LOXL4: variants seen among roughly 807,000 people sequenced by gnomAD.
LOXL4 encodes the protein lysyl oxidase like 4.
LOXL4 carries 72 observed loss-of-function variants against 89.1 expected under a neutral mutation model. The observed-to-expected ratio is 0.81, with a 90% CI of 0.67 to 0.98. The LOEUF is 0.98. Ranked by LOEUF, LOXL4 falls within the 50% of genes least tolerant of loss-of-function variation. LOXL4 has a pLI of 0.00. For missense variants in LOXL4, 984 were observed against 1,017.5 expected (o/e 0.97, Z 0.45); for synonymous variants, 355 against 392.1 (o/e 0.91, Z 1.12).
Position 98,262,223 on chromosome 10 carries a change from GGAGGT to G in LOXL4, c.278-15_278-11del, listed in dbSNP as rs745413286. The stretch of plus-strand genomic sequence containing the variant: ...TCCAGCCAGATGGGTCCTGTGGAGT[GGAGGT>G]GATGCTCAAAGATGGCACAGAGAGG... On this transcript the variant is annotated splice_polypyrimidine_tract_variant and intron_variant, in intron 2 of 14. Transcript: ENST00000260702. The G allele has an allele frequency of 6.2e-7, 1 of 1,612,824 alleles. No individual in the cohort carries two copies.
At position 98,268,158 on chromosome 10, in the gene LOXL4, T is replaced by C. The variant is rs1169740819; in HGVS notation, c.-59A>G. 6.6e-6 allele frequency: 1 copy of C among 151,860 alleles called. No homozygotes were observed. The highest frequency in any genetic ancestry group is 2.0e-4 in the East Asian group (1 of 5,104). The allele number at this position is 151,860 out of a possible 1,614,324, so 9.4% of individuals were successfully genotyped here. On this transcript the variant is annotated 5_prime_UTR_variant, in exon 1 of 15. Coordinates refer to ENST00000260702, the MANE Select transcript of LOXL4 (RefSeq NM_032211.7). Reference sequence around the variant, plus strand: ...AGATGGAGCGCGGACAGTCCGGGGCTGGGCGGGCGCCGCGGCGGAGCAGCG... The same window carrying C: ...AGATGGAGCGCGGACAGTCCGGGGCCGGGCGGGCGCCGCGGCGGAGCAGCG...
chr10:98,250,992 G>A, intron 14 of LOXL4, 73 bp downstream of exon 14: 1 of 1,059,276 alleles, frequency 9.4e-7, no homozygotes, highest in South Asian at 1.3e-5. Flanking sequence ...GAGTGTGGGA[G>A]CAGAGGGTAC....
Position 98,256,617 on chromosome 10 carries a change from G to T in LOXL4, c.1428+163C>A, listed in dbSNP as rs1449155079. On this transcript the variant is annotated intron_variant, in intron 9 of 14. Coordinates refer to ENST00000260702, the MANE Select transcript of LOXL4 (RefSeq NM_032211.7). Reference sequence around the variant, plus strand: ...GATTTCATTAGGACTATGTCTTCTTGTTTACCACACTGTTCCCAGCACTCA... The same window carrying T: ...GATTTCATTAGGACTATGTCTTCTTTTTTACCACACTGTTCCCAGCACTCA... The T allele has an allele frequency of 4.1e-6, 3 of 733,696 alleles. No individual in the cohort carries two copies. In the African/African-American group the frequency reaches 5.3e-5, roughly 13 times the overall value. The allele number at this position is 733,696 out of a possible 1,614,324, so 45.4% of individuals were successfully genotyped here. A position where few individuals can be genotyped will look rare whatever the true frequency, so the allele number is the denominator to read the frequency against.
chr10:98,257,250 AT>A (rs1858404225), intron 8 of LOXL4, among the ~76,000 whole-genome samples: 2 of 151,928 alleles, frequency 1.3e-5, no homozygotes, highest in Non-Finnish European at 2.9e-5. Flanking sequence ...CCCTTGCCTC[AT>A]TCACAGTGAC....
chr10:98,262,335 A>T (rs1466858088), intron 2 of LOXL4, 122 bp from the exon 3 acceptor site: 19 of 1,052,770 alleles, frequency 1.8e-5, no homozygotes, highest in Non-Finnish European at 2.3e-5. Context: ...AGTGGCAGGG[A>T]GGAGGAAGTT....
intron 2 of LOXL4, 87 bp downstream of exon 2, chr10:98,262,656 T>C: frequency 6.6e-7 from 1 of 1,508,588 alleles, no homozygotes; most frequent in East Asian, 2.3e-5. Context: ...AGCAGGGTAT[T>C]AAAGGATGGG....
Position 98,258,016 on chromosome 10 carries a change from G to T in LOXL4, c.1070C>A (p.Ala357Asp). The T allele has an allele frequency of 6.2e-7, 1 of 1,613,890 alleles. No individual in the cohort carries two copies. ...CCGGGCCCCAAAGAGGGCCTCCCGA[G>T]CAGAGCCAAAGCCCAGCTGACGACA... Reference protein sequence around the residue: ...VVCRQLGFGSAREALFGARLG... With the variant: ...VVCRQLGFGSDREALFGARLG... The change falls in exon 7 of 15, where the codon GCT becomes GAT. Residue 357 changes from alanine (A) to aspartate (D), a missense_variant. Physicochemically the swap from Ala to Asp is moderately radical, Grantham distance 126. Coordinates refer to ENST00000260702, the MANE Select transcript of LOXL4 (RefSeq NM_032211.7).
In LOXL4 at chr10:98,255,751, G is replaced by A. The variant is rs1203991018; in HGVS notation, c.1429-12C>T. On this transcript the variant is annotated splice_polypyrimidine_tract_variant and intron_variant, in intron 9 of 14. Coordinates refer to ENST00000260702, the MANE Select transcript of LOXL4 (RefSeq NM_032211.7). The stretch of plus-strand genomic sequence containing the variant: ...CAGAACCAGGTTTCCTAAGAAGACA[G>A]CCAGCGTCACCCAGTCAGCGTGCCT... 1 of 1,604,598 alleles carries A rather than the reference G, an allele frequency of 6.2e-7. No individual in the cohort carries two copies. The highest frequency in any genetic ancestry group is 8.5e-7 in the Non-Finnish European group (1 of 1,172,286).
At chr10:98,252,761 G>C (rs1378721306) in intron 11 of LOXL4, among the ~76,000 whole-genome samples, 1 of 152,204 alleles carries the variant, frequency 6.6e-6, no homozygotes, top group African/African-American at 2.4e-5. Flanking sequence ...AGCAAGGCCT[G>C]AACTGGGGGG....
chr10:98,249,191 G>T (rs1858119899), intron 14 of LOXL4, among the ~76,000 whole-genome samples, 200 bp from the exon 15 acceptor site: 1 of 152,210 alleles, frequency 6.6e-6, no homozygotes, highest in African/African-American at 2.4e-5. Context: ...CTATTGATTG[G>T]AAAGAGTTGT....
chr10:98,267,719 G>C (rs1426427619), intron 1 of LOXL4, among the ~76,000 whole-genome samples: 3 of 152,122 alleles, frequency 2.0e-5, no homozygotes, highest in Non-Finnish European at 2.9e-5. Flanking sequence ...AACATAATCA[G>C]CTCCGGTCTG....
chr10:98,249,265 C>T (rs1858122869), intron 14 of LOXL4, among the ~76,000 whole-genome samples: 1 of 152,186 alleles, frequency 6.6e-6, no homozygotes, highest in African/African-American at 2.4e-5. Context: ...CCTCTGTGCC[C>T]TAGGAAGCTG....
intron 1 of LOXL4, among the ~76,000 whole-genome samples, 152 bp downstream of exon 1, chr10:98,267,980 G>T (rs1484751372): frequency 1.3e-5 from 2 of 152,162 alleles, no homozygotes; most frequent in African/African-American, 4.8e-5. Flanking sequence ...GCGACTGGAG[G>T]GCCGGGCTGA....
rs879108182 is a variant in LOXL4 at position 98,263,180 on chromosome 10, G to GCA, written c.-32-131_-32-130dup. ...CTCAAATGTGTGTGTGTGTGCACGC[G>GCA]CACACACACACACAGTGGCATTAAT... On this transcript the variant is annotated intron_variant, in intron 1 of 14. Coordinates refer to ENST00000260702, the MANE Select transcript of LOXL4 (RefSeq NM_032211.7). 3.2e-4 allele frequency: 189 copies of GCA among 582,292 alleles called. 1 individual carries two copies. The highest frequency in any genetic ancestry group is 1.2e-3 in the South Asian group (56 of 45,934). 36.1% of individuals were successfully genotyped at this position (582,292 alleles called of 1,614,324 possible). A position where few individuals can be genotyped will look rare whatever the true frequency, so the allele number is the denominator to read the frequency against.
At chr10:98,255,818 T>C in intron 9 of LOXL4, 79 bp from the exon 10 acceptor site, 1 of 1,508,164 alleles carries the variant, frequency 6.6e-7, no homozygotes, top group Non-Finnish European at 9.1e-7. Flanking sequence ...GTGGCCTCAG[T>C]CATACCACCC....
chr10:98,260,823 A>G, intron 4 of LOXL4, 99 bp downstream of exon 4: 2 of 1,290,010 alleles, frequency 1.6e-6, no homozygotes, highest in South Asian at 1.3e-5. Context: ...ACTCAGACTC[A>G]TGCACACACC....
intron 1 of LOXL4, among the ~76,000 whole-genome samples, chr10:98,263,876 G>A (rs942863054): frequency 2.0e-5 from 3 of 151,642 alleles, no homozygotes; most frequent in African/African-American, 2.4e-5. Context: ...GATTACAGGC[G>A]CCCACCACCA....
At chr10:98,255,782 G>A (rs767009159) in intron 9 of LOXL4, 43 bp from the exon 10 acceptor site, 1 of 1,586,262 alleles carries the variant, frequency 6.3e-7, no homozygotes, top group South Asian at 1.1e-5. Context: ...TGCCTTTGGA[G>A]TCACCTCCTG....
chr10:98,265,380 T>TACTGTGACAGCGACGA (rs1564763002), intron 1 of LOXL4, among the ~76,000 whole-genome samples: 3 of 48,736 alleles, frequency 6.2e-5, no homozygotes, highest in African/African-American at 1.0e-4. Flanking sequence ...ACTATTATTA[T>TACTGTGACAGCGACGA]TATTATTATT....
Sources: allele counts gnomAD v4.1 joint callset (sites outside exome capture counted in the v4.1 genomes callset), GRCh38; gene constraint gnomAD v4.1.1; transcripts MANE v1.5; gene names NCBI Gene and HGNC (gene_info 2026-07-23, HGNC 2026-07-21).